DLGAP1: variants seen among roughly 807,000 people sequenced by gnomAD.
The protein encoded by DLGAP1 is DLG associated protein 1.
DLGAP1 carries 11 observed loss-of-function variants against 90.8 expected under a neutral mutation model. The ratio of observed to expected loss-of-function variants is 0.12; its 90% CI spans 0.08 to 0.20. The LOEUF is 0.20. Ranked by LOEUF, DLGAP1 falls within the 10% of genes least tolerant of loss-of-function variation. The pLI is 1.00. For synonymous variants in DLGAP1, 558 were observed against 540.7 expected (o/e 1.03, Z -0.44); for missense variants, 1,050 against 1,333.8 (o/e 0.79, Z 3.31).
At chr18:3,748,202 T>C (rs899448285) in intron 5 of DLGAP1, among the ~76,000 whole-genome samples, 4 of 152,244 alleles carry the variant, frequency 2.6e-5, no homozygotes, top group Admixed American at 6.5e-5. Context: ...CCATTCATTA[T>C]CATGACTTTA....
At chr18:3,947,730 A>C (rs11661513) in intron 3 of DLGAP1, among the ~76,000 whole-genome samples, 114,596 of 152,120 alleles carry the variant, frequency 0.75, 43,396 homozygotes, top group African/African-American at 0.83. Context: ...GCCCTATATC[A>C]CATTTCCTTA....
rs1555623972 is a variant in DLGAP1 at position 3,674,296 on chromosome 18, A to ATATATATATATATATATATATATAT, written c.1591+54838_1591+54839insATATATATATATATATATATATATA. 6.7e-4 allele frequency among the ~76,000 whole-genome samples: 86 copies of ATATATATATATATATATATATATAT among 128,962 alleles called. 1 individual carries two copies. Among genetic ancestry groups the ATATATATATATATATATATATATAT allele is most frequent in the East Asian group, 3.2e-3 (15 of 4,716 alleles). The allele number at this position is 128,962 out of a possible 152,430, so 84.6% of individuals were successfully genotyped here. On this transcript the variant is annotated intron_variant, in intron 7 of 12. Coordinates refer to ENST00000315677, the MANE Select transcript of DLGAP1 (RefSeq NM_004746.4). The stretch of plus-strand genomic sequence containing the variant: ...TGAGATCTTGTCTCTATAATATTAA[A>ATATATATATATATATATATATATAT]ATATATATATATATATGTATATTTT...
At chr18:4,157,932 C>T (rs1484322990) in intron 1 of DLGAP1, among the ~76,000 whole-genome samples, 1 of 152,152 alleles carries the variant, frequency 6.6e-6, no homozygotes, top group East Asian at 1.9e-4. Context: ...CCACGGGAGC[C>T]TATTGCATCC....
chr18:4,439,158 GC>G (rs532849623), intron 1 of DLGAP1, among the ~76,000 whole-genome samples: 2 of 152,116 alleles, frequency 1.3e-5, no homozygotes, highest in South Asian at 4.2e-4. Context: ...GCATCCTGCT[GC>G]CCCCCTGGGT....
At chr18:4,224,001 A>T (rs1218080040) in intron 1 of DLGAP1, among the ~76,000 whole-genome samples, 5 of 152,230 alleles carry the variant, frequency 3.3e-5, no homozygotes. Context: ...TAGAGAAATG[A>T]GAATGAGCAT....
At chr18:3,847,281 A>G (rs1252874871) in intron 4 of DLGAP1, among the ~76,000 whole-genome samples, 1 of 152,188 alleles carries the variant, frequency 6.6e-6, no homozygotes, top group East Asian at 1.9e-4. Context: ...TATATAACAC[A>G]TTCTACACAA....
chr18:3,717,110 A>C (rs1010109318), intron 7 of DLGAP1, among the ~76,000 whole-genome samples: 31 of 143,868 alleles, frequency 2.2e-4, no homozygotes, highest in Admixed American at 3.6e-4. Context: ...GCAGCTTTAT[A>C]CTATCTTGTA....
chr18:3,512,102 G>A (rs1322122643), intron 10 of DLGAP1, among the ~76,000 whole-genome samples: 2 of 151,462 alleles, frequency 1.3e-5, no homozygotes, highest in African/African-American at 4.9e-5. Context: ...CCCAGATGTG[G>A]TTAACAGTTT....
rs2071089253 is a variant in DLGAP1, at chr18:3,879,430, G to A, written c.639C>T (p.Cys213=). The A allele has an allele frequency of 1.2e-6, 2 of 1,609,530 alleles. No individual in the cohort carries two copies. Among genetic ancestry groups the A allele is most frequent in the African/African-American group, 2.7e-5 (2 of 74,944 alleles). ...TCACGCCCGAGGGGGCGTGGTAGAT[G>A]CACATGTCACCATCCAGGTTGTCGT... ...SSDDNLDGDM[C]IYHAPSGVMT... Residue 213 remains cysteine (C), a synonymous_variant, in exon 4 of 13, where the codon TGC becomes TGT. Transcript: ENST00000315677. This position sits in a 1 kb window ranked among gnomAD's most constrained non-coding sequence, Gnocchi z 6.6.
chr18:4,359,905 A>C (rs722605), intron 1 of DLGAP1, among the ~76,000 whole-genome samples: 15,417 of 152,230 alleles, frequency 0.1, 816 homozygotes, highest in African/African-American at 0.14. Flanking sequence ...ATACATGCAA[A>C]CAAACAGGTC....
At chr18:4,292,761 G>A (rs1463189974) in intron 1 of DLGAP1, among the ~76,000 whole-genome samples, 1 of 152,110 alleles carries the variant, frequency 6.6e-6, no homozygotes, top group Non-Finnish European at 1.5e-5. Flanking sequence ...TCTCTCCCCT[G>A]GGAAATAGAA....
chr18:3,848,127 CAAAAAAAAAAAAA>C (rs3862177), intron 4 of DLGAP1, among the ~76,000 whole-genome samples: 33 of 32,080 alleles, frequency 1.0e-3, no homozygotes, highest in African/African-American at 4.8e-3. Context: ...GGCCCCGTCT[CAAAAAAAAAAAAA>C]AAAAAAAAAA....
At chr18:3,782,018 ATTCCAAGCTTGGAACAG>A (rs2065219466) in intron 5 of DLGAP1, among the ~76,000 whole-genome samples, 1 of 6,158 alleles carries the variant, frequency 1.6e-4, no homozygotes, top group Non-Finnish European at 6.3e-4. Context: ...GGGAGATTCT[ATTCCAAGCTTGGAACAG>A]TATTCCAAGC....
chr18:4,028,238 C>G (rs2074734874), intron 2 of DLGAP1, among the ~76,000 whole-genome samples: 1 of 152,190 alleles, frequency 6.6e-6, no homozygotes, highest in Non-Finnish European at 1.5e-5. Flanking sequence ...AACTGTCTCT[C>G]TGTATTTACA....
At chr18:3,635,026 A>G (rs1186399562) in intron 7 of DLGAP1, among the ~76,000 whole-genome samples, 7 of 152,210 alleles carry the variant, frequency 4.6e-5, no homozygotes, top group African/African-American at 1.7e-4. Context: ...TATAATAAAC[A>G]TAGAAATCAC....
intron 3 of DLGAP1, among the ~76,000 whole-genome samples, chr18:3,915,237 G>A (rs2050989932): frequency 6.6e-6 from 1 of 152,122 alleles, no homozygotes; most frequent in Admixed American, 6.6e-5. Flanking sequence ...GGAAACTATG[G>A]CTTCTTTTAA....
chr18:4,019,169 G>T (rs1239998045), intron 2 of DLGAP1, among the ~76,000 whole-genome samples: 4 of 152,096 alleles, frequency 2.6e-5, no homozygotes, highest in African/African-American at 9.7e-5. Flanking sequence ...GAGTGTCTGG[G>T]CATGCTCATC....
chr18:3,741,026 C>T (rs1268475496), intron 6 of DLGAP1, among the ~76,000 whole-genome samples: 12 of 127,156 alleles, frequency 9.4e-5, no homozygotes, highest in Middle Eastern at 4.9e-3. Flanking sequence ...ATCACCACCA[C>T]CACCACCACC....
chr18:4,144,475 C>T (rs1247313509), intron 2 of DLGAP1, among the ~76,000 whole-genome samples: 1 of 152,180 alleles, frequency 6.6e-6, no homozygotes, highest in African/African-American at 2.4e-5. Flanking sequence ...GCCACAGGGC[C>T]CCTGCTGGGA....
Sources: allele counts gnomAD v4.1 joint callset (sites outside exome capture counted in the v4.1 genomes callset), GRCh38; gene constraint gnomAD v4.1.1; non-coding constraint Gnocchi (gnomAD v3.1); transcripts MANE v1.5; gene names NCBI Gene and HGNC (gene_info 2026-07-23, HGNC 2026-07-21).